The following NDUFAF2 variants were observed in gnomAD, a reference collection of about 807,000 sequenced individuals.
The protein encoded by NDUFAF2 is NADH dehydrogenase [ubiquinone] 1 alpha subcomplex assembly factor 2.
NDUFAF2 carries 13 observed loss-of-function variants against 22.8 expected under a neutral mutation model. The ratio of observed to expected loss-of-function variants is 0.57; its 90% CI spans 0.37 to 0.91. The LOEUF (loss-of-function observed/expected upper bound fraction) is 0.91. Ranked by LOEUF, NDUFAF2 falls within the 40% of genes least tolerant of loss-of-function variation. The pLI, the probability that NDUFAF2 is intolerant of heterozygous loss-of-function variation, is 0.01. For synonymous variants in NDUFAF2, 53 were observed against 64.2 expected, an observed-to-expected ratio of 0.83 and a Z score of 0.84; for missense variants, 162 against 195.2, an observed-to-expected ratio of 0.83 and a Z score of 1.01.
At chr5:61,136,086 A>G (rs1412885286) in intron 3 of NDUFAF2, among the ~76,000 whole-genome samples, 1 of 139,362 alleles carries the variant, frequency 7.2e-6, no homozygotes, top group Non-Finnish European at 1.5e-5. Context: ...CCTGTTTGCA[A>G]ACATTTAGGA....
chr5:60,990,630 T>C (rs1751145914), intron 1 of NDUFAF2, among the ~76,000 whole-genome samples: 1 of 152,162 alleles, frequency 6.6e-6, no homozygotes, highest in Admixed American at 6.5e-5. Flanking sequence ...CATGAGAGGA[T>C]TGACTTTGTA....
chr5:60,983,227 G>T (rs1213480400), intron 1 of NDUFAF2, among the ~76,000 whole-genome samples: 1 of 142,486 alleles, frequency 7.0e-6, no homozygotes, highest in Non-Finnish European at 1.5e-5. Flanking sequence ...CATATCCTTT[G>T]CCCACTTGTT....
intron 2 of NDUFAF2, among the ~76,000 whole-genome samples, chr5:61,087,390 C>G (rs1022268846): frequency 1.3e-5 from 2 of 152,000 alleles, no homozygotes; most frequent in Admixed American, 6.6e-5. Flanking sequence ...CAGACTAAGA[C>G]AATACATAAA....
At chr5:61,010,405 G>A (rs145372596) in intron 1 of NDUFAF2, among the ~76,000 whole-genome samples, 36 of 152,042 alleles carry the variant, frequency 2.4e-4, no homozygotes, top group Middle Eastern at 3.4e-3. Context: ...TTCGTTTTCT[G>A]TGTATCATAG....
At chr5:61,137,963 C>T (rs1740989121) in intron 3 of NDUFAF2, among the ~76,000 whole-genome samples, 1 of 152,226 alleles carries the variant, frequency 6.6e-6, no homozygotes, top group Non-Finnish European at 1.5e-5. Flanking sequence ...ATGGCCCTGC[C>T]TGCCTGCCTT....
In NDUFAF2 at chr5:61,014,789, T is replaced by C. The variant is rs185857268; in HGVS notation, c.128-58336T>C. ...AAAAATAACTCAGAGTAGGCCATTC[T>C]AACATTTTTGTTTTGGCATAATTGT... is the stretch of plus-strand genomic sequence containing the variant. On this transcript the variant is annotated intron_variant, in intron 1 of 3. Transcript: ENST00000296597. Among the ~76,000 whole-genome samples the C allele has an allele frequency of 3.4e-4, 52 of 152,322 alleles. No individual in the cohort carries two copies. In the East Asian group the frequency reaches 6.9e-3, roughly 20 times the overall value.
At chr5:61,147,982 G>A (rs1741166878) in intron 3 of NDUFAF2, among the ~76,000 whole-genome samples, 1 of 152,192 alleles carries the variant, frequency 6.6e-6, no homozygotes, top group Non-Finnish European at 1.5e-5. Context: ...TCTTTAGTGA[G>A]AAGTTGTCCT....
chr5:60,977,975 G>T (rs1750924782), intron 1 of NDUFAF2, among the ~76,000 whole-genome samples: 1 of 152,126 alleles, frequency 6.6e-6, no homozygotes. Context: ...ATAGTACCTA[G>T]TTTTAAAATC....
chr5:61,048,008 A>G (rs1465384647), intron 1 of NDUFAF2, among the ~76,000 whole-genome samples: 1 of 152,226 alleles, frequency 6.6e-6, no homozygotes, highest in Non-Finnish European at 1.5e-5. Context: ...AGTGAAAAAA[A>G]TCAAGATAGA....
chr5:61,022,754 C>T (rs993844250), intron 1 of NDUFAF2, among the ~76,000 whole-genome samples: 4 of 152,190 alleles, frequency 2.6e-5, no homozygotes, highest in Admixed American at 2.0e-4. Context: ...AAGCGATTCT[C>T]CTGCCTCAGC....
At chr5:61,009,467 C>T (rs1751415660) in intron 1 of NDUFAF2, among the ~76,000 whole-genome samples, 1 of 152,044 alleles carries the variant, frequency 6.6e-6, no homozygotes, top group African/African-American at 2.4e-5. Context: ...AGATTTATAG[C>T]AATGATACTT....
chr5:61,003,804 T>C (rs1433982669), intron 1 of NDUFAF2, among the ~76,000 whole-genome samples: 1 of 151,872 alleles, frequency 6.6e-6, no homozygotes, highest in Non-Finnish European at 1.5e-5. Flanking sequence ...ACTACAGGCA[T>C]GTGCCACCAT....
intron 1 of NDUFAF2, among the ~76,000 whole-genome samples, chr5:60,962,378 C>CTTA (rs1009369305): frequency 5.3e-5 from 8 of 152,158 alleles, no homozygotes; most frequent in Non-Finnish European, 1.0e-4. Context: ...GTCCTTTAAA[C>CTTA]ACCTTTCATG....
chr5:61,111,527 C>T (rs559368347), intron 3 of NDUFAF2, among the ~76,000 whole-genome samples: 1 of 152,248 alleles, frequency 6.6e-6, no homozygotes, highest in Non-Finnish European at 1.5e-5. Flanking sequence ...ACCTCCACCT[C>T]CTAGGCTTAA....
chr5:61,095,415 C>G lies in NDUFAF2; in HGVS notation c.218-3577C>G, dbSNP rs193118686. Among the ~76,000 whole-genome samples the G allele has an allele frequency of 9.8e-3, 1,485 of 152,304 alleles. 9 individuals are homozygous for G. Among genetic ancestry groups the G allele is most frequent in the Non-Finnish European group, 0.015 (997 of 68,024 alleles). On this transcript the variant is annotated intron_variant, in intron 2 of 3. Transcript: ENST00000296597. ...CCCAGGTAGGGGGCGACACTGTTGC[C>G]AGTGGTTGGCTGGAATTCTAAGCCA...
At chr5:61,082,354 T>C (rs534485645) in intron 2 of NDUFAF2, among the ~76,000 whole-genome samples, 20 of 152,312 alleles carry the variant, frequency 1.3e-4, no homozygotes, top group African/African-American at 4.8e-4. Flanking sequence ...TGCCTCAGCC[T>C]CTTAAGAAGT....
chr5:61,071,921 A>C (rs1368314443), intron 1 of NDUFAF2, among the ~76,000 whole-genome samples: 1 of 152,266 alleles, frequency 6.6e-6, no homozygotes, highest in Non-Finnish European at 1.5e-5. Flanking sequence ...TTCTGAAAAC[A>C]GAAGAAAATA....
At chr5:61,102,737 A>C (rs773422881) in intron 3 of NDUFAF2, among the ~76,000 whole-genome samples, 70 of 152,134 alleles carry the variant, frequency 4.6e-4, no homozygotes, top group Non-Finnish European at 8.1e-4. Flanking sequence ...CATAGTACAT[A>C]TATCTGACAA....
At chr5:61,006,549 C>A (rs906816920) in intron 1 of NDUFAF2, among the ~76,000 whole-genome samples, 1 of 152,046 alleles carries the variant, frequency 6.6e-6, no homozygotes, top group Non-Finnish European at 1.5e-5. Context: ...GCCATTTTCA[C>A]GATATTGATT....
Sources: allele counts gnomAD v4.1 joint callset (sites outside exome capture counted in the v4.1 genomes callset), GRCh38; gene constraint gnomAD v4.1.1; transcripts MANE v1.5; gene names NCBI Gene and HGNC (gene_info 2026-07-23, HGNC 2026-07-21).